CNTN5: variants seen among roughly 807,000 people sequenced by gnomAD.
CNTN5 encodes contactin 5.
In CNTN5, 77 loss-of-function variants were observed where a neutral mutation model predicts 129.1. The ratio of observed to expected loss-of-function variants is 0.60; its 90% CI spans 0.50 to 0.72. CNTN5 has a LOEUF of 0.72. CNTN5 is among the 30% of genes least tolerant of loss of function. The pLI is 0.00. For synonymous variants in CNTN5, 509 were observed against 465.6 expected, an observed-to-expected ratio of 1.09 and a Z score of -1.20; for missense variants, 1,478 against 1,328.8, an observed-to-expected ratio of 1.11 and a Z score of -1.75.
rs1041469768 is a variant in CNTN5 at position 99,655,486 on chromosome 11, C to G, written c.55+99217C>G. ...CTTCAGAAAAATCTCTTGCATGCTT[C>G]CTTCAGGCTAGTTGTCTGTCCCCTC... On this transcript the variant is annotated intron_variant, in intron 3 of 24. Coordinates refer to ENST00000524871, the MANE Select transcript of CNTN5 (RefSeq NM_014361.4). Among the ~76,000 whole-genome samples, 3 of 152,190 alleles carry G rather than the reference C, an allele frequency of 2.0e-5. No individual in the cohort carries two copies. The South Asian group carries it at 6.2e-4, about 32-fold the overall frequency.
chr11:100,106,592 T>TAA (rs1370201244), intron 13 of CNTN5, among the ~76,000 whole-genome samples: 3 of 152,290 alleles, frequency 2.0e-5, no homozygotes, highest in African/African-American at 7.2e-5. Context: ...ACTTACAGTT[T>TAA]AAATTGTACA....
In CNTN5 at chr11:99,664,217, A is replaced by T. The variant is rs1952702401; in HGVS notation, c.55+107948A>T. On this transcript the variant is annotated intron_variant, in intron 3 of 24. Transcript: ENST00000524871. ...TCCAGGAGTTTTCAAAATCTTTATG[A>T]AGACATGATGACATTCCAGCTACAC... Among the ~76,000 whole-genome samples the T allele has an allele frequency of 2.6e-5, 4 of 152,184 alleles. 1 individual carries two copies. The South Asian group carries it at 8.3e-4, about 32-fold the overall frequency.
At chr11:99,303,818 TATGTTGAGGAC>T (rs778254963) in intron 1 of CNTN5, among the ~76,000 whole-genome samples, 19 of 152,150 alleles carry the variant, frequency 1.2e-4, no homozygotes, top group Non-Finnish European at 2.4e-4. Flanking sequence ...TGTCAGTACT[TATGTTGAGGAC>T]ATCACCTCAT....
At chr11:99,816,925 TACTGAAG>T (rs896566564) in intron 3 of CNTN5, among the ~76,000 whole-genome samples, 1 of 152,194 alleles carries the variant, frequency 6.6e-6, no homozygotes, top group African/African-American at 2.4e-5. Context: ...TTTCTTTCCC[TACTGAAG>T]ACTTGACTGA....
intron 3 of CNTN5, among the ~76,000 whole-genome samples, chr11:99,787,564 C>T (rs1020380735): frequency 9.3e-5 from 14 of 150,304 alleles, no homozygotes; most frequent in Admixed American, 4.0e-4. Flanking sequence ...TATAGTGGCA[C>T]GAAGCCAACT....
chr11:99,663,467 C>G (rs1245402568), intron 3 of CNTN5, among the ~76,000 whole-genome samples: 3 of 152,004 alleles, frequency 2.0e-5, no homozygotes, highest in Non-Finnish European at 4.4e-5. Context: ...GACTCCGTCT[C>G]AAAAAACAAT....
intron 13 of CNTN5, among the ~76,000 whole-genome samples, chr11:100,146,080 A>C (rs1358608358): frequency 6.6e-6 from 1 of 152,194 alleles, no homozygotes; most frequent in African/African-American, 2.4e-5. Context: ...TAAATGTAGT[A>C]AATACCGCTG....
intron 8 of CNTN5, among the ~76,000 whole-genome samples, chr11:99,978,542 C>T (rs927613524): frequency 1.3e-5 from 2 of 152,018 alleles, no homozygotes; most frequent in South Asian, 4.1e-4. Flanking sequence ...TTTATCATAC[C>T]TTTTTTATGT....
At chr11:100,137,806 C>T (rs1946574035) in intron 13 of CNTN5, among the ~76,000 whole-genome samples, 1 of 152,014 alleles carries the variant, frequency 6.6e-6, no homozygotes, top group Non-Finnish European at 1.5e-5. Context: ...CAAAATTATG[C>T]AAAAGATGAT....
chr11:99,338,280 T>C (rs983889129), intron 2 of CNTN5, among the ~76,000 whole-genome samples: 1 of 152,218 alleles, frequency 6.6e-6, no homozygotes, highest in African/African-American at 2.4e-5. Context: ...TGAGTCTCAT[T>C]CTTTTTCTTT....
chr11:99,181,929 G>C (rs1353962237), intron 1 of CNTN5, among the ~76,000 whole-genome samples: 1 of 152,164 alleles, frequency 6.6e-6, no homozygotes, highest in South Asian at 2.1e-4. Context: ...TATAGCAAAA[G>C]AATCTGGAGT....
chr11:99,738,616 C>CGTGTGTGTGTGTGTGTGTGTGTGTGTGT (rs113729274), intron 3 of CNTN5, among the ~76,000 whole-genome samples: 8 of 143,312 alleles, frequency 5.6e-5, no homozygotes, highest in East Asian at 4.3e-4. Context: ...AAGACAGTAA[C>CGTGTGTGTGTGTGTGTGTGTGTGTGTGT]GTGTGTGTGT....
chr11:99,985,137 G>T lies in CNTN5; in HGVS notation c.878-16897G>T, dbSNP rs536677117. On this transcript the variant is annotated intron_variant, in intron 8 of 24. Transcript: ENST00000524871. ...GCCCCTTGCCTCATCACATGGGATG[G>T]CTTCCCTCTGCTGGCAAGGGCAAAG... Among the ~76,000 whole-genome samples, 4 of 152,138 alleles carry T rather than the reference G, an allele frequency of 2.6e-5. No homozygotes were observed. In the East Asian group the frequency reaches 7.8e-4, roughly 30 times the overall value.
intron 6 of CNTN5, among the ~76,000 whole-genome samples, chr11:99,909,868 G>C (rs950761027): frequency 2.0e-5 from 3 of 151,948 alleles, no homozygotes; most frequent in Non-Finnish European, 4.4e-5. Flanking sequence ...ATTAAATGAC[G>C]AGTTACTGGG....
intron 4 of CNTN5, among the ~76,000 whole-genome samples, chr11:99,825,314 T>C (rs1051358868): frequency 1.3e-5 from 2 of 152,016 alleles, no homozygotes; most frequent in African/African-American, 4.8e-5. Context: ...ATTTCTTTTG[T>C]GATTACCATT....
intron 3 of CNTN5, among the ~76,000 whole-genome samples, chr11:99,632,611 C>A (rs534233600): frequency 1.2e-4 from 19 of 152,250 alleles, no homozygotes; most frequent in Non-Finnish European, 2.4e-4. Flanking sequence ...CTTTCAACTT[C>A]ACAAAATTGA....
intron 13 of CNTN5, among the ~76,000 whole-genome samples, chr11:100,132,809 T>G (rs1032121750): frequency 6.6e-6 from 1 of 152,096 alleles, no homozygotes; most frequent in Admixed American, 6.6e-5. Flanking sequence ...GCAAAAAAGG[T>G]ATTTTCCTTA....
intron 1 of CNTN5, among the ~76,000 whole-genome samples, chr11:99,088,790 C>T (rs970848712): frequency 2.6e-5 from 4 of 152,088 alleles, no homozygotes; most frequent in Admixed American, 2.6e-4. Context: ...AGGATGGAGA[C>T]CTTGAATTTA....
Position 100,067,088 on chromosome 11 carries a change from T to A in CNTN5, c.1163-3336T>A, listed in dbSNP as rs1227111312. Among the ~76,000 whole-genome samples, 3 of 152,232 alleles carry A rather than the reference T, an allele frequency of 2.0e-5. No homozygotes were observed. In the East Asian group the frequency reaches 5.8e-4, roughly 29 times the overall value. ...TAGTGGTTTATAAAATATCTTGCAA[T>A]GTAAACAAGAAATCTGTTGTAGAAG... On this transcript the variant is annotated intron_variant, in intron 10 of 24. Coordinates refer to ENST00000524871, the MANE Select transcript of CNTN5 (RefSeq NM_014361.4).
Sources: gnomAD v4.1 joint callset for allele counts (sites outside exome capture counted in the v4.1 genomes callset) on GRCh38, gnomAD v4.1.1 for gene constraint, MANE v1.5 for transcripts, NCBI Gene and HGNC (gene_info 2026-07-23, HGNC 2026-07-21) for gene names.